Variants in RBFOX1 observed in about 807,000 individuals in gnomAD.
RBFOX1 encodes RNA binding protein fox-1 homolog 1.
A neutral mutation model predicts 57.7 loss-of-function variants in RBFOX1; 8 were observed. That is an observed-to-expected ratio of 0.14 (90% confidence interval 0.08 to 0.25). The LOEUF is 0.25. Ranked by LOEUF, RBFOX1 falls within the 10% of genes least tolerant of loss-of-function variation. The pLI is 1.00. For missense variants in RBFOX1, 611 were observed against 548.5 expected, an observed-to-expected ratio of 1.11 and a Z score of -1.14; for synonymous variants, 326 against 222.4, an observed-to-expected ratio of 1.47 and a Z score of -4.15.
chr16:5,829,114 G>T (rs992591463), intron 3 of RBFOX1, among the ~76,000 whole-genome samples: 1 of 152,122 alleles, frequency 6.6e-6, no homozygotes, highest in African/African-American at 2.4e-5. Context: ...TCACACTCAG[G>T]AGGAGACCAC....
chr16:6,539,659 C>T (rs778390195), intron 2 of RBFOX1, among the ~76,000 whole-genome samples: 21 of 151,902 alleles, frequency 1.4e-4, no homozygotes, highest in Non-Finnish European at 2.8e-4. Flanking sequence ...TTAGCCATGC[C>T]TGGTGGCCAG....
At chr16:6,170,855 C>T (rs1297624228) in intron 1 of RBFOX1, among the ~76,000 whole-genome samples, 1 of 152,126 alleles carries the variant, frequency 6.6e-6, no homozygotes, top group East Asian at 1.9e-4. Flanking sequence ...GTTTTCTGTT[C>T]CTGCCTTAGT....
At chr16:7,610,854 T>C (rs1236711195) in intron 10 of RBFOX1, among the ~76,000 whole-genome samples, 1 of 152,216 alleles carries the variant, frequency 6.6e-6, no homozygotes, top group Admixed American at 6.5e-5. Context: ...ATTATTACTG[T>C]CACGCATCTA....
At chr16:6,566,770 C>G (rs1397330968) in intron 2 of RBFOX1, among the ~76,000 whole-genome samples, 1 of 152,172 alleles carries the variant, frequency 6.6e-6, no homozygotes, top group Non-Finnish European at 1.5e-5. Flanking sequence ...GACAAGCATG[C>G]TTACCCTTTG....
At chr16:6,748,489 C>T (rs891683558) in intron 3 of RBFOX1, among the ~76,000 whole-genome samples, 5 of 152,084 alleles carry the variant, frequency 3.3e-5, no homozygotes, top group South Asian at 4.2e-4. Context: ...AACAAGATCC[C>T]GTCTCTCCAA....
At chr16:7,162,937 T>A (rs1445175259) in intron 4 of RBFOX1, among the ~76,000 whole-genome samples, 1 of 152,194 alleles carries the variant, frequency 6.6e-6, no homozygotes, top group African/African-American at 2.4e-5. Flanking sequence ...CTTCCCGTTT[T>A]GGCCATCACC....
intron 1 of RBFOX1, among the ~76,000 whole-genome samples, chr16:5,388,932 C>T (rs1006189014): frequency 1.3e-5 from 2 of 151,198 alleles, no homozygotes; most frequent in East Asian, 2.0e-4. Flanking sequence ...TGGCTCACAC[C>T]TGTAATCCCA....
rs143149674 is a variant in RBFOX1 at position 6,150,176 on chromosome 16, A to C, written c.-127+130184A>C. 2.7e-3 allele frequency among the ~76,000 whole-genome samples: 416 copies of C among 152,286 alleles called. 2 individuals are homozygous for C. Among genetic ancestry groups the C allele is most frequent in the East Asian group, 0.021 (110 of 5,164 alleles). ...GCTGAGGCTGCTGGAGGTAATGCTG[A>C]GAGGAAGCATATCGTGAGACCAGAG... On this transcript the variant is annotated intron_variant, in intron 1 of 15. Coordinates refer to ENST00000550418, the MANE Select transcript of RBFOX1 (RefSeq NM_018723.4).
intron 4 of RBFOX1, among the ~76,000 whole-genome samples, chr16:7,074,987 G>C (rs1224012293): frequency 6.6e-6 from 1 of 152,090 alleles, no homozygotes; most frequent in Non-Finnish European, 1.5e-5. Flanking sequence ...GAATCAAAGG[G>C]AAGTCAAAGG....
intron 11 of RBFOX1, among the ~76,000 whole-genome samples, chr16:7,639,720 G>C (rs931982763): frequency 2.0e-5 from 3 of 152,082 alleles, no homozygotes; most frequent in African/African-American, 7.2e-5. Context: ...CCTCTCAGTA[G>C]GTGAATTAAG....
At chr16:6,919,884 C>T (rs974958802) in intron 3 of RBFOX1, among the ~76,000 whole-genome samples, 3 of 150,768 alleles carry the variant, frequency 2.0e-5, no homozygotes, top group Non-Finnish European at 4.4e-5. Flanking sequence ...GCACCCATCA[C>T]CTGAGCAGTG....
chr16:5,747,758 T>C (rs934076143), intron 3 of RBFOX1, among the ~76,000 whole-genome samples: 1 of 152,208 alleles, frequency 6.6e-6, no homozygotes, highest in Non-Finnish European at 1.5e-5. Context: ...TATTTGATTC[T>C]TCCCTCTTTA....
intron 4 of RBFOX1, among the ~76,000 whole-genome samples, chr16:5,877,996 C>G (rs2057659525): frequency 1.3e-5 from 2 of 152,224 alleles, no homozygotes; most frequent in Admixed American, 6.5e-5. Context: ...CACCTCCTAC[C>G]TCACACTTGC....
At chr16:7,080,346 C>T (rs74008713) in intron 4 of RBFOX1, among the ~76,000 whole-genome samples, 4,656 of 152,152 alleles carry the variant, frequency 0.031, 84 homozygotes, top group African/African-American at 0.035. Context: ...GCCTATCATT[C>T]TGTACCTTCT....
chr16:6,622,014 T>A (rs1445849799), intron 2 of RBFOX1, among the ~76,000 whole-genome samples: 2 of 152,230 alleles, frequency 1.3e-5, no homozygotes, highest in African/African-American at 4.8e-5. Context: ...TTACACCATT[T>A]TCAAGCCTTT....
chr16:6,882,286 G>A (rs1436213095), intron 3 of RBFOX1, among the ~76,000 whole-genome samples: 1 of 152,130 alleles, frequency 6.6e-6, no homozygotes, highest in Non-Finnish European at 1.5e-5. Flanking sequence ...TGATGGGGAG[G>A]AACAACCTGT....
chr16:7,534,818 T>C (rs2081091732), intron 5 of RBFOX1, among the ~76,000 whole-genome samples: 1 of 152,102 alleles, frequency 6.6e-6, no homozygotes, highest in African/African-American at 2.4e-5. Flanking sequence ...CAGTTCACCC[T>C]GGGCTGCTCA....
At chr16:6,600,759 ACAAG>A (rs1567832798) in intron 2 of RBFOX1, among the ~76,000 whole-genome samples, 4 of 152,188 alleles carry the variant, frequency 2.6e-5, no homozygotes, top group Non-Finnish European at 2.9e-5. Context: ...AGTATAAGTA[ACAAG>A]CAAGATTATA....
intron 2 of RBFOX1, among the ~76,000 whole-genome samples, chr16:5,521,368 TG>T (rs1172599362): frequency 3.0e-4 from 4 of 13,458 alleles, no homozygotes; most frequent in Admixed American, 2.2e-3. Context: ...TGGGGTGGGG[TG>T]GGGGGGTGGA....
Sources: gnomAD v4.1 joint callset for allele counts (sites outside exome capture counted in the v4.1 genomes callset) on GRCh38, gnomAD v4.1.1 for gene constraint, MANE v1.5 for transcripts, NCBI Gene and HGNC (gene_info 2026-07-23, HGNC 2026-07-21) for gene names.